STRIP1: variants seen among roughly 807,000 people sequenced by gnomAD.
STRIP1 encodes the protein striatin interacting protein 1, also known as striatin-interacting protein 1.
Under a neutral mutation model 106.2 loss-of-function variants are expected in STRIP1, and 63 were observed. The observed-to-expected ratio is 0.59, with a 90% CI of 0.48 to 0.73. The LOEUF (loss-of-function observed/expected upper bound fraction) is 0.73. Among genes scored for constraint, STRIP1 ranks in the 30% least tolerant of loss-of-function variants. The pLI, the probability that STRIP1 is intolerant of heterozygous loss-of-function variation, is 0.00. For synonymous variants in STRIP1, 390 were observed against 413.0 expected (o/e 0.94, Z 0.67); for missense variants, 857 against 1,074.8 (o/e 0.80, Z 2.83).
chr1:110,040,948 G>A (rs777665232), intron 6 of STRIP1, among the ~76,000 whole-genome samples: 15 of 152,278 alleles, frequency 9.9e-5, no homozygotes, highest in South Asian at 6.2e-4. Flanking sequence ...AGCTAAGTGT[G>A]GCCTCCTACT....
At chr1:110,038,654 C>G (rs758575468) in intron 2 of STRIP1, 29 bp from the exon 3 acceptor site, 1 of 1,601,654 alleles carries the variant, frequency 6.2e-7, no homozygotes, top group Admixed American at 1.7e-5. Flanking sequence ...AGACATGGAA[C>G]CAATGGTGAC....
chr1:110,040,730 C>A, intron 6 of STRIP1, 27 bp downstream of exon 6: 1 of 1,593,928 alleles, frequency 6.3e-7, no homozygotes, highest in Non-Finnish European at 8.5e-7. Context: ...GCCTGGGCTC[C>A]TGAGCGTTAG....
chr1:110,045,316 T>C (rs567814756), intron 12 of STRIP1: 6 of 483,320 alleles, frequency 1.2e-5, no homozygotes, highest in Non-Finnish European at 2.3e-5. Flanking sequence ...TCTTTAAAGA[T>C]TATATTACCT....
chr1:110,043,121 A>G lies in STRIP1; in HGVS notation c.919A>G (p.Met307Val), dbSNP rs770379452. ...AGGCGGCTTTGAGGAGCTGCAGAGC[A>G]TGAAGGCTGAGAAGCGCAGCATCCT... ...TLGGFEELQS[M>V]KAEKRSILGL... The change falls in exon 9 of 21, where the codon ATG becomes GTG. Residue 307 changes from methionine (M) to valine (V), a missense_variant. Met to Val is a conservative substitution (Grantham distance 21). Transcript: ENST00000369795. The G allele has an allele frequency of 1.2e-4, 189 of 1,613,728 alleles. No individual in the cohort carries two copies. The highest frequency in any genetic ancestry group is 1.5e-4 in the Non-Finnish European group (180 of 1,179,960).
In STRIP1 at chr1:110,051,905, G is replaced by A. The variant is rs747900289; in HGVS notation, c.2266+18G>A. 3.5e-5 allele frequency: 57 copies of A among 1,610,488 alleles called. No homozygotes were observed. The highest frequency in any genetic ancestry group is 4.6e-5 in the Non-Finnish European group (54 of 1,178,988). The stretch of plus-strand genomic sequence containing the variant: ...CGGCAATGGTGAGACTCTGCACTCA[G>A]CCAGATTTGGGTGGGAGTGTGTCGG... On this transcript the variant is annotated intron_variant, in intron 20 of 20. Transcript: ENST00000369795.
rs182570821 is a variant in STRIP1, at chr1:110,050,507, G to A, written c.1956+98G>A. 115 of 1,187,002 alleles carry A rather than the reference G, an allele frequency of 9.7e-5. No homozygotes were observed. The African/African-American group carries it at 9.8e-4, about 10-fold the overall frequency. The allele number at this position is 1,187,002 out of a possible 1,614,324, so 73.5% of individuals were successfully genotyped here. A position where few individuals can be genotyped will look rare whatever the true frequency, so the allele number is the denominator to read the frequency against. On this transcript the variant is annotated intron_variant, in intron 18 of 20. Coordinates refer to ENST00000369795, the MANE Select transcript of STRIP1 (RefSeq NM_033088.4). ...CACTGCAGGAATAGAGGTGTCTCCC[G>A]CAGGTGAAATCACTGTGGAGTGCCC...
rs1324591871 is a variant in STRIP1 at position 110,034,783 on chromosome 1, G to A, written c.146G>A (p.Arg49His). 7.0e-7 allele frequency: 1 copy of A among 1,428,338 alleles called. No individual in the cohort carries two copies. Among genetic ancestry groups the A allele is most frequent in the Non-Finnish European group, 9.1e-7 (1 of 1,097,148 alleles). The allele number at this position is 1,428,338 out of a possible 1,614,324, so 88.5% of individuals were successfully genotyped here. ...GGCCTCCTGCCTGGGGGCAAAGCCCGCGAGTTCAACCGCAACCAGCGCAAA... is the reference window on the plus strand; with the variant it reads ...GGCCTCCTGCCTGGGGGCAAAGCCCACGAGTTCAACCGCAACCAGCGCAAA... ...AAGLLPGGKA[R>H]EFNRNQRKDS... The change falls in exon 1 of 21, where the codon CGC becomes CAC. Residue 49 changes from arginine (R) to histidine (H), a missense_variant. By Grantham distance (29) the Arg-to-His change is conservative (BLOSUM62 0). Coordinates refer to ENST00000369795, the MANE Select transcript of STRIP1 (RefSeq NM_033088.4).
intron 18 of STRIP1, 138 bp from the exon 19 acceptor site, chr1:110,050,817 TG>T: frequency 3.1e-6 from 2 of 638,430 alleles, no homozygotes; most frequent in South Asian, 1.8e-5. Flanking sequence ...GATGGAGTCC[TG>T]GGGCTGCTCT....
In STRIP1 at chr1:110,049,517, T is replaced by C. The variant is rs1653192250; in HGVS notation, c.1846T>C (p.Phe616Leu). Reference protein sequence around the residue: ...FANCIPLILKFFNQNIMSYIT... With the variant: ...FANCIPLILKLFNQNIMSYIT... ...CAACTGCATTCCTTTGATCCTAAAG[T>C]TCTTCAATCAAAACATCATGTCCTA... The change falls in exon 17 of 21, where the codon TTC becomes CTC. Residue 616 changes from phenylalanine (F) to leucine (L), a missense_variant. Coordinates refer to ENST00000369795, the MANE Select transcript of STRIP1 (RefSeq NM_033088.4). The C allele has an allele frequency of 8.7e-6, 14 of 1,613,550 alleles. No individual in the cohort carries two copies. Among genetic ancestry groups the C allele is most frequent in the Non-Finnish European group, 9.3e-6 (11 of 1,179,930 alleles).
chr1:110,047,948 G>C, intron 15 of STRIP1, 79 bp downstream of exon 15: 1 of 1,242,580 alleles, frequency 8.0e-7, no homozygotes, highest in South Asian at 1.3e-5. Flanking sequence ...TTGTCAGGTT[G>C]GTTGTTGTTG....
Position 110,043,164 on chromosome 1 carries a change from C to A in STRIP1, c.962C>A (p.Pro321His). The A allele has an allele frequency of 6.2e-7, 1 of 1,614,104 alleles. No homozygotes were observed. Among genetic ancestry groups the A allele is most frequent in the South Asian group, 1.1e-5 (1 of 91,086 alleles). The change falls in exon 9 of 21, where the codon CCT becomes CAT. Residue 321 changes from proline to histidine, a missense_variant. Pro to His is a moderately conservative substitution (Grantham distance 77). Transcript: ENST00000369795. Reference protein sequence around the residue: ...KRSILGLPPLPEDSIKVIRNM... With the variant: ...KRSILGLPPLHEDSIKVIRNM... Reference sequence around the variant, plus strand: ...AGCATCCTGGGCCTCCCCCCGCTTCCTGAGGACAGCATCAAAGTGATTCGC... The same window carrying A: ...AGCATCCTGGGCCTCCCCCCGCTTCATGAGGACAGCATCAAAGTGATTCGC...
intron 1 of STRIP1, among the ~76,000 whole-genome samples, chr1:110,036,601 T>G (rs938428785): frequency 2.7e-4 from 41 of 152,192 alleles, no homozygotes; most frequent in Non-Finnish European, 3.7e-4. Flanking sequence ...ATCGGTAGTT[T>G]GGGAGCCTGA....
At chr1:110,039,547 G>T in intron 5 of STRIP1, 32 bp downstream of exon 5, 1 of 1,577,160 alleles carries the variant, frequency 6.3e-7, no homozygotes, top group East Asian at 2.3e-5. Flanking sequence ...AGTAGGGAAG[G>T]GGAGGCTGGG....
At position 110,044,858 on chromosome 1, in the gene STRIP1, G is replaced by A. The variant is rs1422943170; in HGVS notation, c.1305G>A (p.Met435Ile). 6.2e-7 allele frequency: 1 copy of A among 1,614,046 alleles called. No individual in the cohort carries two copies. The highest frequency in any genetic ancestry group is 1.3e-5 in the African/African-American group (1 of 74,912). ...GTGGCAGAGAGAAAGACATTGAGAT[G>A]TTCCTTGAGTCCAGCCGCAGCAAAT... ...APKVREKDIEMFLESSRSKFI... is the reference protein window; with the variant it reads ...APKVREKDIEIFLESSRSKFI... The change falls in exon 11 of 21, where the codon ATG (methionine) becomes ATA (isoleucine). Residue 435 changes from methionine (M) to isoleucine (I), a missense_variant. By Grantham distance (10) the Met-to-Ile change is conservative (BLOSUM62 1). Coordinates refer to ENST00000369795, the MANE Select transcript of STRIP1 (RefSeq NM_033088.4).
intron 17 of STRIP1, 141 bp from the exon 18 acceptor site, chr1:110,050,200 CTG>C (rs1653227541): frequency 5.7e-6 from 4 of 701,872 alleles, no homozygotes; most frequent in Admixed American, 5.2e-5. Context: ...GGTGGGGAAA[CTG>C]GGGTGGGACA....
At chr1:110,039,372 G>A (rs1426480729) in intron 4 of STRIP1, 23 bp from the exon 5 acceptor site, 3 of 1,614,118 alleles carry the variant, frequency 1.9e-6, no homozygotes, top group Non-Finnish European at 2.5e-6. Context: ...GAGGGGCTCA[G>A]TGAGTTGAAC....
chr1:110,038,803 G>A (rs1376568890), intron 3 of STRIP1, 46 bp downstream of exon 3: 20 of 1,549,730 alleles, frequency 1.3e-5, no homozygotes, highest in Non-Finnish European at 1.7e-5. Context: ...CCTGCATAAC[G>A]AGAGCTGCAG....
Position 110,041,655 on chromosome 1 carries a change from G to A in STRIP1, c.757+13G>A. 1.2e-6 allele frequency: 2 copies of A among 1,614,116 alleles called. No homozygotes were observed. The highest frequency in any genetic ancestry group is 1.7e-6 in the Non-Finnish European group (2 of 1,180,020). ...AGAGCCGAGCTGGGTAGGACCCTGGGGATCCTCTCTAGAGGCCCTGCCTGG... is the reference window on the plus strand; with the variant it reads ...AGAGCCGAGCTGGGTAGGACCCTGGAGATCCTCTCTAGAGGCCCTGCCTGG... On this transcript the variant is annotated intron_variant, in intron 7 of 20. Transcript: ENST00000369795.
intron 13 of STRIP1, 133 bp from the exon 14 acceptor site, chr1:110,047,409 G>T (rs990497927): frequency 2.9e-6 from 2 of 679,806 alleles, no homozygotes; most frequent in Non-Finnish European, 5.3e-6. Flanking sequence ...TTGTGTTCAG[G>T]GTTTGCTGTT....
Sources: gnomAD v4.1 joint callset for allele counts (sites outside exome capture counted in the v4.1 genomes callset) on GRCh38, gnomAD v4.1.1 for gene constraint, MANE v1.5 for transcripts, NCBI Gene and HGNC (gene_info 2026-07-23, HGNC 2026-07-21) for gene names.